Variants in TTC34 observed in about 807,000 individuals in gnomAD.
The protein encoded by TTC34 is tetratricopeptide repeat protein 34.
A neutral mutation model predicts 40.7 loss-of-function variants in TTC34; 44 were observed. That is an observed-to-expected ratio of 1.08 (90% CI 0.85 to 1.39). TTC34 has a LOEUF of 1.39. Ranked by LOEUF, TTC34 falls within the 40% of genes most tolerant of loss-of-function variation. TTC34 has a pLI of 0.00. For synonymous variants in TTC34, 422 were observed against 398.6 expected (o/e 1.06, Z -0.70); for missense variants, 884 against 838.0 (o/e 1.05, Z -0.68).
At chr1:2,672,195 AG>A (rs1639724206) in intron 6 of TTC34, among the ~76,000 whole-genome samples, 1 of 142,076 alleles carries the variant, frequency 7.0e-6, no homozygotes, top group African/African-American at 2.6e-5. Flanking sequence ...CCACACCCCC[AG>A]GTGAGCATCT....
At position 2,683,979 on chromosome 1, in the gene TTC34, G is replaced by C. The variant is rs374574924; in HGVS notation, c.2227-38416C>G. ...CCACAGTTGAGCATCTGACAGCCTGGAGCAGCATCCTGCACCCCCAGGTGA... is the reference window on the plus strand; with the variant it reads ...CCACAGTTGAGCATCTGACAGCCTGCAGCAGCATCCTGCACCCCCAGGTGA... On this transcript the variant is annotated intron_variant, in intron 6 of 8. Transcript: ENST00000401095. Among the ~76,000 whole-genome samples the C allele has an allele frequency of 3.4e-5, 5 of 147,946 alleles. No individual in the cohort carries two copies. In the South Asian group the frequency reaches 8.4e-4, roughly 25 times the overall value.
intron 6 of TTC34, among the ~76,000 whole-genome samples, chr1:2,650,526 G>A (rs1423325696): frequency 2.0e-5 from 3 of 150,666 alleles, no homozygotes; most frequent in Non-Finnish European, 4.4e-5. Context: ...TGTGATAGCC[G>A]AAAACAGCAC....
chr1:2,773,323 G>A (rs1191776877), intron 6 of TTC34, among the ~76,000 whole-genome samples: 1 of 95,282 alleles, frequency 1.0e-5, no homozygotes, highest in African/African-American at 3.6e-5. Context: ...TGACAGCCCG[G>A]AGCAGCGTCC....
chr1:2,784,086 G>A lies in TTC34; in HGVS notation c.2060-311C>T, dbSNP rs368013866. Among the ~76,000 whole-genome samples the A allele has an allele frequency of 9.2e-5, 14 of 152,232 alleles. No individual in the cohort carries two copies. In the South Asian group the frequency reaches 2.7e-3, roughly 29 times the overall value. On this transcript the variant is annotated intron_variant, in intron 5 of 8. Transcript: ENST00000401095. The stretch of plus-strand genomic sequence containing the variant: ...GCACTACCATCAAGACGCGGAGACC[G>A]GTAGTGGCCCCGAACGGCTGAGCGC...
chr1:2,785,377 C>T (rs1643568938), intron 5 of TTC34, among the ~76,000 whole-genome samples: 2 of 152,204 alleles, frequency 1.3e-5, no homozygotes, highest in South Asian at 4.1e-4. Flanking sequence ...AGAAACAGCA[C>T]TGACTCCAGG....
At position 2,700,206 on chromosome 1, in the gene TTC34, C is replaced by G. The variant is rs577238463; in HGVS notation, c.2227-54643G>C. On this transcript the variant is annotated intron_variant, in intron 6 of 8. Transcript: ENST00000401095. ...AGCATCCGACAGCCTGGAGCAGCGC[C>G]GACCCCCCCAGGGTGAGCATCTGAC... is the stretch of plus-strand genomic sequence containing the variant. Among the ~76,000 whole-genome samples, 10 of 87,158 alleles carry G rather than the reference C, an allele frequency of 1.1e-4. 1 individual carries two copies. Among genetic ancestry groups the G allele is most frequent in the Admixed American group, 2.6e-4 (2 of 7,736 alleles). The allele number at this position is 87,158 out of a possible 152,430, so 57.2% of individuals were successfully genotyped here.
chr1:2,694,212 TG>T (rs1640758197), intron 6 of TTC34, among the ~76,000 whole-genome samples: 1 of 122,306 alleles, frequency 8.2e-6, no homozygotes, highest in Non-Finnish European at 1.7e-5. Context: ...TGTGACAGCC[TG>T]GATCAGCACC....
exon 5 of TTC34, chr1:2,785,971 A>G: frequency 6.6e-7 from 1 of 1,509,598 alleles, no homozygotes; most frequent in Non-Finnish European, 8.9e-7. Flanking sequence ...GAAGACGTCC[A>G]GGGTGGGCTG....
intron 6 of TTC34, among the ~76,000 whole-genome samples, chr1:2,686,192 C>CA (rs1640335768): frequency 7.7e-6 from 1 of 129,334 alleles, no homozygotes; most frequent in Non-Finnish European, 1.6e-5. Flanking sequence ...TCTGGAGCAG[C>CA]GCCCACACCC....
intron 6 of TTC34, among the ~76,000 whole-genome samples, chr1:2,761,396 A>AC (rs1641680797): frequency 1.7e-5 from 1 of 59,708 alleles, no homozygotes. Context: ...CTGGAGCAGC[A>AC]CCTACACCCC....
chr1:2,685,877 C>A (rs1333473940), intron 6 of TTC34, among the ~76,000 whole-genome samples: 1 of 149,472 alleles, frequency 6.7e-6, no homozygotes, highest in East Asian at 1.9e-4. Flanking sequence ...CAGCACCCTG[C>A]ACCCCCAGGT....
rs748763257 is a variant in TTC34 at position 2,694,767 on chromosome 1, C to T, written c.2227-49204G>A. Reference sequence around the variant, plus strand: ...CACCCCAAACCCACAGGTGAGCATCCGACAGCCTGGAGCAGCACCCACACA... The same window carrying T: ...CACCCCAAACCCACAGGTGAGCATCTGACAGCCTGGAGCAGCACCCACACA... On this transcript the variant is annotated intron_variant, in intron 6 of 8. Transcript: ENST00000401095. Among the ~76,000 whole-genome samples, 12 of 29,742 alleles carry T rather than the reference C, an allele frequency of 4.0e-4. 1 individual carries two copies. In the South Asian group the frequency reaches 4.2e-3, roughly 10 times the overall value. 19.5% of individuals were successfully genotyped at this position (29,742 alleles called of 152,430 possible).
At chr1:2,692,733 CAG>C (rs1640684212) in intron 6 of TTC34, among the ~76,000 whole-genome samples, 16 of 73,090 alleles carry the variant, frequency 2.2e-4, no homozygotes, top group East Asian at 4.3e-4. Context: ...GAGCCTGGAA[CAG>C]CACCCTGCAC....
At chr1:2,756,425 ACCCC>A in intron 6 of TTC34, among the ~76,000 whole-genome samples, 1 of 121,252 alleles carries the variant, frequency 8.2e-6, no homozygotes, top group African/African-American at 3.5e-5. Context: ...TAGCACCCAC[ACCCC>A]CAGGTGAGCA....
At chr1:2,683,139 C>G (rs567483444) in intron 6 of TTC34, among the ~76,000 whole-genome samples, 2 of 135,216 alleles carry the variant, frequency 1.5e-5, no homozygotes, top group Admixed American at 7.3e-5. Flanking sequence ...CAGCCTGGAA[C>G]AGCACGCACA....
intron 6 of TTC34, among the ~76,000 whole-genome samples, chr1:2,779,948 T>C (rs1470394193): frequency 6.6e-6 from 1 of 152,172 alleles, no homozygotes. Flanking sequence ...ACCTCGTCTC[T>C]ATAAAAATAC....
intron 2 of TTC34, among the ~76,000 whole-genome samples, chr1:2,790,896 T>G (rs1327945584): frequency 6.6e-6 from 1 of 152,192 alleles, no homozygotes; most frequent in East Asian, 1.9e-4. Flanking sequence ...CTCTCAGGTC[T>G]AGGACTGGAG....
chr1:2,755,371 AG>A (rs1641470303), intron 6 of TTC34, among the ~76,000 whole-genome samples: 1 of 57,152 alleles, frequency 1.7e-5, no homozygotes. Flanking sequence ...AGCCTGGAAA[AG>A]CACCCACACC....
At chr1:2,799,269 G>A (rs187183363) in intron 2 of TTC34, among the ~76,000 whole-genome samples, 64 of 152,334 alleles carry the variant, frequency 4.2e-4, no homozygotes, top group African/African-American at 1.5e-3. Flanking sequence ...GGCGCCGGGC[G>A]CGGTGGTTCA....
Sources: gnomAD v4.1 joint callset for allele counts (sites outside exome capture counted in the v4.1 genomes callset) on GRCh38, gnomAD v4.1.1 for gene constraint, MANE v1.5 for transcripts, NCBI Gene and HGNC (gene_info 2026-07-23, HGNC 2026-07-21) for gene names.